The following KCNAB1 variants were observed in gnomAD, a reference collection of about 807,000 sequenced individuals.
The protein encoded by KCNAB1 is voltage-gated potassium channel subunit beta-1.
Under a neutral mutation model 64.6 loss-of-function variants are expected in KCNAB1, and 35 were observed. The observed-to-expected ratio is 0.54, with a 90% CI of 0.41 to 0.72. KCNAB1 has a LOEUF of 0.72. KCNAB1 is among the 30% of genes least tolerant of loss of function. The pLI is 0.00. For synonymous variants in KCNAB1, 177 were observed against 183.8 expected (o/e 0.96, Z 0.30); for missense variants, 401 against 512.9 (o/e 0.78, Z 2.11).
chr3:156,482,502 T>G, intron 8 of KCNAB1, among the ~76,000 whole-genome samples: 2 of 144,648 alleles, frequency 1.4e-5, no homozygotes, highest in African/African-American at 2.6e-5. Flanking sequence ...TAGGAAGTTA[T>G]GGGGGTAGAT....
intron 1 of KCNAB1, among the ~76,000 whole-genome samples, chr3:156,230,721 G>T (rs1265740000): frequency 6.6e-6 from 1 of 152,192 alleles, no homozygotes; most frequent in Non-Finnish European, 1.5e-5. Context: ...GAATAGGAAT[G>T]CAGGGAGTGG....
intron 1 of KCNAB1, among the ~76,000 whole-genome samples, chr3:156,209,681 A>G (rs1714893643): frequency 6.6e-6 from 1 of 152,236 alleles, no homozygotes; most frequent in South Asian, 2.1e-4. Context: ...ATTCCACCAT[A>G]GCACAGAGGC....
At chr3:156,336,437 G>A (rs1357959172) in intron 1 of KCNAB1, among the ~76,000 whole-genome samples, 4 of 152,194 alleles carry the variant, frequency 2.6e-5, no homozygotes, top group South Asian at 4.1e-4. Context: ...GTTTCATAAT[G>A]TATGGAGAAT....
At chr3:156,295,337 G>T (rs1720706414) in intron 1 of KCNAB1, among the ~76,000 whole-genome samples, 2 of 152,104 alleles carry the variant, frequency 1.3e-5, no homozygotes, top group African/African-American at 4.8e-5. Context: ...TTGTAACCCT[G>T]ATAAATAGGT....
chr3:156,231,514 C>CCCTCCCTT (rs1716528119), intron 1 of KCNAB1, among the ~76,000 whole-genome samples: 2 of 135,088 alleles, frequency 1.5e-5, no homozygotes, highest in African/African-American at 5.6e-5. Context: ...CTCCCTCCCT[C>CCCTCCCTT]CCTTCCTCCC....
chr3:156,534,017 C>G (rs1471359872), intron 13 of KCNAB1, among the ~76,000 whole-genome samples: 1 of 152,146 alleles, frequency 6.6e-6, no homozygotes, highest in East Asian at 1.9e-4. Context: ...TTTGCCTATC[C>G]TAAAGGGGAC....
intron 8 of KCNAB1, among the ~76,000 whole-genome samples, chr3:156,510,042 C>T (rs1451428215): frequency 6.6e-6 from 1 of 152,216 alleles, no homozygotes; most frequent in East Asian, 1.9e-4. Flanking sequence ...AAACTGCAGC[C>T]TCTTGGTTCT....
In KCNAB1 at chr3:156,486,156, A is replaced by C. The variant is rs542438531; in HGVS notation, c.658+11336A>C. Among the ~76,000 whole-genome samples the C allele has an allele frequency of 2.0e-5, 3 of 152,226 alleles. No homozygotes were observed. The East Asian group carries it at 5.8e-4, about 29-fold the overall frequency. ...AGCCTGTCCCCCACAACCTTGTTTT[A>C]GCACCCACCAAGGATCCCTGCCTGT... On this transcript the variant is annotated intron_variant, in intron 8 of 13. Coordinates refer to ENST00000490337, the MANE Select transcript of KCNAB1 (RefSeq NM_172160.3).
chr3:156,402,339 A>G (rs1273048118), intron 1 of KCNAB1, among the ~76,000 whole-genome samples: 1 of 152,198 alleles, frequency 6.6e-6, no homozygotes, highest in African/African-American at 2.4e-5. Context: ...ACTTAGAGAA[A>G]GAAATGGGTC....
At chr3:156,160,813 C>T (rs893416649) in intron 1 of KCNAB1, among the ~76,000 whole-genome samples, 1 of 152,148 alleles carries the variant, frequency 6.6e-6, no homozygotes, top group African/African-American at 2.4e-5. Flanking sequence ...TTCTGGCTTT[C>T]ATTTTCACAC....
chr3:156,473,090 A>G (rs1422961811), intron 7 of KCNAB1, among the ~76,000 whole-genome samples: 1 of 152,162 alleles, frequency 6.6e-6, no homozygotes, highest in Non-Finnish European at 1.5e-5. Context: ...CCCCTTTCCA[A>G]AACAGGGGGT....
At chr3:156,292,219 C>T in intron 1 of KCNAB1, 1 of 1,397,958 alleles carries the variant, frequency 7.2e-7, no homozygotes, top group Non-Finnish European at 1.0e-6. Flanking sequence ...GTGATTTACT[C>T]ATCAGTGGGT....
rs56216211 is a variant in KCNAB1 at position 156,143,569 on chromosome 3, GTTTTTTTTTTTT to G, written c.275+22700_275+22711del. Reference sequence around the variant, plus strand: ...AGCCCTCTTCTTGGGTTGCATTCTTGTTTTTTTTTTTTTTTTTTTTTTTTTTTTAGCTTTAAG... The same window carrying G: ...AGCCCTCTTCTTGGGTTGCATTCTTGTTTTTTTTTTTTTTTTAGCTTTAAG... On this transcript the variant is annotated intron_variant, in intron 1 of 13. Coordinates refer to ENST00000490337, the MANE Select transcript of KCNAB1 (RefSeq NM_172160.3). The G allele has an allele frequency of 1.2e-3, 348 of 297,040 alleles. 7 individuals are homozygous for G. Among genetic ancestry groups the G allele is most frequent in the African/African-American group, 8.8e-3 (303 of 34,358 alleles). 18.4% of individuals were successfully genotyped at this position (297,040 alleles called of 1,614,324 possible).
intron 8 of KCNAB1, among the ~76,000 whole-genome samples, chr3:156,488,014 T>C (rs896107495): frequency 2.0e-5 from 3 of 152,086 alleles, no homozygotes; most frequent in African/African-American, 7.2e-5. Flanking sequence ...CCCTACGTAA[T>C]GCATTTTAAA....
At chr3:156,205,582 G>A (rs571989294) in intron 1 of KCNAB1, among the ~76,000 whole-genome samples, 21 of 152,204 alleles carry the variant, frequency 1.4e-4, no homozygotes, top group African/African-American at 4.8e-4. Context: ...CTATACATTG[G>A]TTGTCAGGTC....
chr3:156,139,522 G>A (rs1714567855), intron 1 of KCNAB1, among the ~76,000 whole-genome samples: 1 of 147,838 alleles, frequency 6.8e-6, no homozygotes, highest in African/African-American at 2.5e-5. Flanking sequence ...GCTACCATAA[G>A]TGATGTCACT....
rs1716560739 is a variant in KCNAB1, at chr3:156,435,983, G to C, written c.319+14324G>C. Among the ~76,000 whole-genome samples the C allele has an allele frequency of 2.0e-5, 3 of 152,096 alleles. 1 individual carries two copies. The South Asian group carries it at 6.2e-4, about 32-fold the overall frequency. ...AAGTTTGTTACATAGGTACATGCCTGTCCTGGTGGTTTGCTGAACCTGTCA... is the reference window on the plus strand; with the variant it reads ...AAGTTTGTTACATAGGTACATGCCTCTCCTGGTGGTTTGCTGAACCTGTCA... On this transcript the variant is annotated intron_variant, in intron 2 of 13. Coordinates refer to ENST00000490337, the MANE Select transcript of KCNAB1 (RefSeq NM_172160.3).
chr3:156,126,734 G>A (rs1012371390), intron 1 of KCNAB1, among the ~76,000 whole-genome samples: 1 of 152,162 alleles, frequency 6.6e-6, no homozygotes, highest in East Asian at 1.9e-4. Flanking sequence ...TCAAGCCCTG[G>A]CTCTACCAAT....
chr3:156,276,153 A>G (rs1719333638), intron 1 of KCNAB1, among the ~76,000 whole-genome samples: 1 of 152,136 alleles, frequency 6.6e-6, no homozygotes, highest in African/African-American at 2.4e-5. Flanking sequence ...CCCCTTGTAC[A>G]TTTCTATCAG....
Sources: gnomAD v4.1 joint callset for allele counts (sites outside exome capture counted in the v4.1 genomes callset) on GRCh38, gnomAD v4.1.1 for gene constraint, MANE v1.5 for transcripts, NCBI Gene and HGNC (gene_info 2026-07-23, HGNC 2026-07-21) for gene names.